Variants in C1D observed in about 807,000 individuals in gnomAD.
C1D encodes the protein nuclear nucleic acid-binding protein C1D.
C1D carries 10 observed loss-of-function variants against 17.5 expected under a neutral mutation model. The ratio of observed to expected loss-of-function variants is 0.57; its 90% CI spans 0.35 to 0.97. The LOEUF (loss-of-function observed/expected upper bound fraction) is 0.97. C1D is among the 50% of genes least tolerant of loss of function. The pLI is 0.01. For missense variants in C1D, 136 were observed against 160.1 expected (o/e 0.85, Z 0.81); for synonymous variants, 49 against 54.0 (o/e 0.91, Z 0.40).
chr2:68,048,218 G>A (rs1250772560), intron 1 of C1D, among the ~76,000 whole-genome samples: 1 of 152,142 alleles, frequency 6.6e-6, no homozygotes, highest in Non-Finnish European at 1.5e-5. Context: ...TATTATTAAA[G>A]TATCTAAGTC....
rs1671683199 is a variant in C1D at position 68,062,995 on chromosome 2, G to GGGCAACGAT, written c.-56_-48dup. The GGGCAACGAT allele has an allele frequency of 2.0e-5, 3 of 152,226 alleles. No homozygotes were observed. The highest frequency in any genetic ancestry group is 2.9e-5 in the Non-Finnish European group (2 of 68,066). The allele number at this position is 152,226 out of a possible 1,614,324, so 9.4% of individuals were successfully genotyped here. On this transcript the variant is annotated 5_prime_UTR_variant, in exon 1 of 5. Transcript: ENST00000410067. ...GACTCCAGTCTCCCGGAAAGCGGTC[G>GGGCAACGAT]GGCAACGATGACGACAATGACGCGC...
chr2:68,052,818 C>T (rs1671328130), intron 1 of C1D, among the ~76,000 whole-genome samples: 1 of 152,112 alleles, frequency 6.6e-6, no homozygotes, highest in East Asian at 1.9e-4. Flanking sequence ...ATTCCTTCCA[C>T]AGAAAAAGCG....
chr2:68,055,956 T>A (rs1671428311), intron 1 of C1D, among the ~76,000 whole-genome samples: 1 of 152,216 alleles, frequency 6.6e-6, no homozygotes, highest in Admixed American at 6.5e-5. Context: ...AGCAGCTCCA[T>A]TACATCTCAT....
chr2:68,043,093 A>T, intron 4 of C1D, 40 bp from the exon 5 acceptor site: 9 of 1,450,792 alleles, frequency 6.2e-6, no homozygotes, highest in Non-Finnish European at 8.5e-6. Flanking sequence ...TTACTAAGCT[A>T]TTCGCCACCA....
intron 3 of C1D, 145 bp downstream of exon 3, chr2:68,046,199 C>T (rs1375133586): frequency 5.0e-6 from 4 of 792,244 alleles, no homozygotes; most frequent in East Asian, 2.7e-5. Flanking sequence ...ATGTGTGGCT[C>T]ACTGGCATCT....
intron 1 of C1D, among the ~76,000 whole-genome samples, chr2:68,058,995 C>T (rs918680083): frequency 6.6e-6 from 1 of 152,138 alleles, no homozygotes; most frequent in Non-Finnish European, 1.5e-5. Flanking sequence ...ACCCGTGTTC[C>T]TCCGTTTTGC....
Position 68,053,258 on chromosome 2 carries a change from ATGTTAC to A in C1D, c.-9-5945_-9-5940del. The A allele has an allele frequency of 1.3e-6, 2 of 1,490,556 alleles. 1 individual carries two copies. Among genetic ancestry groups the A allele is most frequent in the South Asian group, 2.6e-5 (2 of 77,752 alleles). The allele number at this position is 1,490,556 out of a possible 1,614,324, so 92.3% of individuals were successfully genotyped here. A position where few individuals can be genotyped will look rare whatever the true frequency, so the allele number is the denominator to read the frequency against. On this transcript the variant is annotated intron_variant, in intron 1 of 4. Transcript: ENST00000410067. ...GGATGCTGCCCAGTAACCCTAACAG[ATGTTAC>A]TGCCACTCAGTCCTTCCTCTCACTG...
At chr2:68,043,477 C>G (rs1003601437) in intron 4 of C1D, among the ~76,000 whole-genome samples, 1 of 152,076 alleles carries the variant, frequency 6.6e-6, no homozygotes, top group South Asian at 2.1e-4. Context: ...TGAAATTTTT[C>G]TAAACAGGAA....
At chr2:68,053,993 A>C (rs917147214) in intron 1 of C1D, among the ~76,000 whole-genome samples, 1 of 152,150 alleles carries the variant, frequency 6.6e-6, no homozygotes, top group African/African-American at 2.4e-5. Context: ...TTAAAACACT[A>C]TCTCTTAATG....
At position 68,041,292 on chromosome 2, in the gene C1D, T is replaced by A. The variant is rs1186669684; in HGVS notation, c.*1597A>T. Reference sequence around the variant, plus strand: ...AGGTGCACTTTCATAAACCAATAACTTAGCTAAAACCAATAATGATTTTCT... The same window carrying A: ...AGGTGCACTTTCATAAACCAATAACATAGCTAAAACCAATAATGATTTTCT... On this transcript the variant is annotated 3_prime_UTR_variant, in exon 5 of 5. Coordinates refer to ENST00000410067, the MANE Select transcript of C1D (RefSeq NM_173177.3). 2.0e-5 allele frequency: 3 copies of A among 152,068 alleles called. No homozygotes were observed. Among genetic ancestry groups the A allele is most frequent in the Non-Finnish European group, 2.9e-5 (2 of 67,898 alleles). The allele number at this position is 152,068 out of a possible 1,614,324, so 9.4% of individuals were successfully genotyped here.
In C1D at chr2:68,061,318, C is replaced by A. The variant is rs554658115; in HGVS notation, c.-10+1640G>T. ...GTGTTGTCTGTAACTCTCCTTCAGT[C>A]CCACAGTACAATTCCTGAGTAAATA... On this transcript the variant is annotated intron_variant, in intron 1 of 4. Coordinates refer to ENST00000410067, the MANE Select transcript of C1D (RefSeq NM_173177.3). 2.3e-4 allele frequency among the ~76,000 whole-genome samples: 35 copies of A among 152,282 alleles called. 1 individual carries two copies. Among genetic ancestry groups the A allele is most frequent in the Middle Eastern group, 6.8e-3 (2 of 294 alleles).
At chr2:68,059,128 G>C (rs901411551) in intron 1 of C1D, among the ~76,000 whole-genome samples, 3 of 152,182 alleles carry the variant, frequency 2.0e-5, no homozygotes, top group Non-Finnish European at 2.9e-5. Flanking sequence ...GAGATAAAGG[G>C]GGAGCAGGCA....
rs924078393 is a variant in C1D at position 68,041,514 on chromosome 2, G to C, written c.*1375C>G. On this transcript the variant is annotated 3_prime_UTR_variant, in exon 5 of 5. Transcript: ENST00000410067. ...AAATTTGGAGACAAAGGCAAAAAAA[G>C]GAGTAAAATAACTATAAATGTTCAC... 4 of 151,884 alleles carry C rather than the reference G, an allele frequency of 2.6e-5. No homozygotes were observed. The highest frequency in any genetic ancestry group is 4.4e-5 in the Non-Finnish European group (3 of 67,816). The allele number at this position is 151,884 out of a possible 1,614,324, so 9.4% of individuals were successfully genotyped here. A position where few individuals can be genotyped will look rare whatever the true frequency, so the allele number is the denominator to read the frequency against.
intron 1 of C1D, among the ~76,000 whole-genome samples, chr2:68,051,279 G>T (rs1671274015): frequency 6.6e-6 from 1 of 152,126 alleles, no homozygotes; most frequent in African/African-American, 2.4e-5. Flanking sequence ...AGCACTTTGG[G>T]AGGCCAAGGC....
intron 1 of C1D, among the ~76,000 whole-genome samples, chr2:68,048,497 A>C (rs1671196733): frequency 6.6e-6 from 1 of 152,226 alleles, no homozygotes; most frequent in Non-Finnish European, 1.5e-5. Flanking sequence ...TGATCTGTAA[A>C]GTTCCTTATA....
chr2:68,050,962 T>C (rs893608001), intron 1 of C1D, among the ~76,000 whole-genome samples: 2 of 152,328 alleles, frequency 1.3e-5, no homozygotes, highest in Admixed American at 1.3e-4. Flanking sequence ...GATCCTTGAC[T>C]ACTCTCTCTC....
chr2:68,044,192 GTTTAC>G lies in C1D; in HGVS notation c.262-1144_262-1140del, dbSNP rs150883038. ...ACATATTCATATATATTTCTTATTT[GTTTAC>G]TTTATTATTTGTCTCCCTCCATTAG... On this transcript the variant is annotated intron_variant, in intron 4 of 4. Transcript: ENST00000410067. Among the ~76,000 whole-genome samples the G allele has an allele frequency of 3.2e-3, 492 of 152,166 alleles. 3 individuals carry two copies. Among genetic ancestry groups the G allele is most frequent in the Non-Finnish European group, 5.3e-3 (360 of 68,008 alleles).
intron 1 of C1D, among the ~76,000 whole-genome samples, chr2:68,060,108 A>C (rs996290766): frequency 6.6e-6 from 1 of 152,214 alleles, no homozygotes; most frequent in East Asian, 1.9e-4. Context: ...CTCAAGCCCC[A>C]AACTTTGACA....
intron 1 of C1D, among the ~76,000 whole-genome samples, chr2:68,052,383 TA>T (rs1439594147): frequency 6.6e-6 from 1 of 151,752 alleles, no homozygotes; most frequent in African/African-American, 2.4e-5. Context: ...AAATTTTTAA[TA>T]AAAAACAAAT....
Sources: allele counts gnomAD v4.1 joint callset (sites outside exome capture counted in the v4.1 genomes callset), GRCh38; gene constraint gnomAD v4.1.1; transcripts MANE v1.5; gene names NCBI Gene and HGNC (gene_info 2026-07-23, HGNC 2026-07-21).